The following STAC variants were observed in gnomAD, a reference collection of about 807,000 sequenced individuals.
STAC encodes the protein SH3 and cysteine rich domain.
In STAC, 43 loss-of-function variants were observed where a neutral mutation model predicts 48.8. The observed-to-expected ratio is 0.88, with a 90% CI of 0.69 to 1.14. The LOEUF (loss-of-function observed/expected upper bound fraction) is 1.14. STAC is among the 50% of genes most tolerant of loss of function. The pLI is 0.00. For synonymous variants in STAC, 193 were observed against 179.5 expected (o/e 1.07, Z -0.60); for missense variants, 497 against 504.0 (o/e 0.99, Z 0.13).
At chr3:36,477,866 C>A (rs1697534458) in intron 2 of STAC, among the ~76,000 whole-genome samples, 1 of 152,178 alleles carries the variant, frequency 6.6e-6, no homozygotes, top group Non-Finnish European at 1.5e-5. Context: ...TCTCCGTATC[C>A]AAAGAGCCAC....
In STAC at chr3:36,443,093, C is replaced by A. The variant is rs1018724466; in HGVS notation, c.112-271C>A. Among the ~76,000 whole-genome samples the A allele has an allele frequency of 3.9e-5, 6 of 152,134 alleles. No individual in the cohort carries two copies. The highest frequency in any genetic ancestry group is 1.4e-4 in the African/African-American group (6 of 41,426). The stretch of plus-strand genomic sequence containing the variant: ...ACACTTTTACAGCACACTGGTAGGA[C>A]TTTAAGGAGGCAGGGGAGGAGGAGC... On this transcript the variant is annotated intron_variant, in intron 1 of 10. Coordinates refer to ENST00000273183, the MANE Select transcript of STAC (RefSeq NM_003149.3). This position sits in a 1 kb window ranked among gnomAD's most constrained non-coding sequence, Gnocchi z 4.2.
At chr3:36,516,590 A>G (rs1403363573) in intron 8 of STAC, among the ~76,000 whole-genome samples, 1 of 152,194 alleles carries the variant, frequency 6.6e-6, no homozygotes, top group East Asian at 1.9e-4. Context: ...GGTAATGCAG[A>G]CCATGATAAT....
chr3:36,526,256 C>T (rs923198034), intron 8 of STAC, among the ~76,000 whole-genome samples: 1 of 152,140 alleles, frequency 6.6e-6, no homozygotes, highest in Non-Finnish European at 1.5e-5. Flanking sequence ...TTCACCCCCC[C>T]TCCCCATATT....
chr3:36,449,163 G>A (rs888854998), intron 2 of STAC, among the ~76,000 whole-genome samples: 2 of 152,072 alleles, frequency 1.3e-5, no homozygotes, highest in Non-Finnish European at 2.9e-5. Context: ...GTGGATTAGA[G>A]GAGGGGATAA....
chr3:36,471,489 A>G lies in STAC; in HGVS notation c.389-11503A>G, dbSNP rs973279832. ...CTTCACTCATTTCAGCATTAACCCA[A>G]AAGTCCACAGTTCAAAGTCTCATCT... is the stretch of plus-strand genomic sequence containing the variant. On this transcript the variant is annotated intron_variant, in intron 2 of 10. Coordinates refer to ENST00000273183, the MANE Select transcript of STAC (RefSeq NM_003149.3). Among the ~76,000 whole-genome samples the G allele has an allele frequency of 3.3e-5, 5 of 152,260 alleles. No individual in the cohort carries two copies. The East Asian group carries it at 9.6e-4, about 29-fold the overall frequency.
At position 36,437,569 on chromosome 3, in the gene STAC, T is replaced by C. The variant is rs530020247; in HGVS notation, c.112-5795T>C. On this transcript the variant is annotated intron_variant, in intron 1 of 10. Coordinates refer to ENST00000273183, the MANE Select transcript of STAC (RefSeq NM_003149.3). ...ACATGTTCTCACTCATAGGTGGGAA[T>C]TGAACAATGAGAACACATGGACACA... Among the ~76,000 whole-genome samples the C allele has an allele frequency of 5.2e-3, 719 of 137,162 alleles. 3 individuals carry two copies. The highest frequency in any genetic ancestry group is 0.017 in the African/African-American group (628 of 36,274). The allele number at this position is 137,162 out of a possible 152,430, so 90.0% of individuals were successfully genotyped here. A position where few individuals can be genotyped will look rare whatever the true frequency, so the allele number is the denominator to read the frequency against.
chr3:36,492,200 A>G (rs1185259773), intron 5 of STAC, among the ~76,000 whole-genome samples: 1 of 151,084 alleles, frequency 6.6e-6, no homozygotes, highest in East Asian at 1.9e-4. Flanking sequence ...CAACCAAGTC[A>G]GAACTGGACC....
intron 1 of STAC, among the ~76,000 whole-genome samples, chr3:36,417,871 T>C (rs1428979188): frequency 6.6e-6 from 1 of 152,232 alleles, no homozygotes; most frequent in Admixed American, 6.5e-5. Flanking sequence ...TTCCATATTT[T>C]CTTTGATGTT....
At chr3:36,502,207 C>T (rs1466178244) in intron 6 of STAC, among the ~76,000 whole-genome samples, 1 of 152,072 alleles carries the variant, frequency 6.6e-6, no homozygotes, top group Non-Finnish European at 1.5e-5. Flanking sequence ...AGAAACTATG[C>T]CTACATAATA....
chr3:36,510,361 G>A (rs1260384424), intron 8 of STAC, among the ~76,000 whole-genome samples: 1 of 152,210 alleles, frequency 6.6e-6, no homozygotes, highest in Non-Finnish European at 1.5e-5. Context: ...TTATGGGGCT[G>A]TAAATTAGTT....
chr3:36,505,640 C>T, intron 7 of STAC, 106 bp from the exon 8 acceptor site: 1 of 725,110 alleles, frequency 1.4e-6, no homozygotes, highest in Non-Finnish European at 2.3e-6. Flanking sequence ...ACGATCCATA[C>T]ACTGAAATTA....
chr3:36,534,948 T>C (rs1318820036), intron 10 of STAC, among the ~76,000 whole-genome samples: 1 of 152,182 alleles, frequency 6.6e-6, no homozygotes, highest in Non-Finnish European at 1.5e-5. Context: ...CATAAGCCAC[T>C]GCACCTGGCC....
chr3:36,490,347 A>G (rs900523139), intron 5 of STAC, among the ~76,000 whole-genome samples: 1 of 152,168 alleles, frequency 6.6e-6, no homozygotes, highest in South Asian at 2.1e-4. Context: ...GCTTGCAACC[A>G]TCTCCCCTTA....
chr3:36,403,402 T>G (rs1014333620), intron 1 of STAC, among the ~76,000 whole-genome samples: 17 of 151,326 alleles, frequency 1.1e-4, no homozygotes, highest in Non-Finnish European at 2.2e-4. Flanking sequence ...AAACAGTTTG[T>G]TTTTTTTTAA....
intron 1 of STAC, among the ~76,000 whole-genome samples, chr3:36,426,560 A>C (rs933902189): frequency 6.6e-6 from 1 of 152,206 alleles, no homozygotes; most frequent in Admixed American, 6.5e-5. Context: ...TTGTTGTCTT[A>C]ATCTGTTAGC....
chr3:36,488,160 T>G (rs1443266070), intron 5 of STAC, among the ~76,000 whole-genome samples: 1 of 152,192 alleles, frequency 6.6e-6, no homozygotes, highest in Non-Finnish European at 1.5e-5. Flanking sequence ...CTCAAACTCC[T>G]GGAGTCAAAT....
chr3:36,412,224 AG>A (rs1391168248), intron 1 of STAC, among the ~76,000 whole-genome samples: 1 of 152,142 alleles, frequency 6.6e-6, no homozygotes, highest in Non-Finnish European at 1.5e-5. Flanking sequence ...AAATGGCAGG[AG>A]GGCTGCTGTA....
In STAC at chr3:36,548,007, A is replaced by G. The variant is rs1031725698; in HGVS notation, c.*1718A>G. 1.3e-5 allele frequency: 2 copies of G among 149,748 alleles called. No individual in the cohort carries two copies. Among genetic ancestry groups the G allele is most frequent in the Non-Finnish European group, 3.0e-5 (2 of 66,336 alleles). The allele number at this position is 149,748 out of a possible 1,614,324, so 9.3% of individuals were successfully genotyped here. On this transcript the variant is annotated 3_prime_UTR_variant, in exon 11 of 11. Transcript: ENST00000273183. ...CAGTGGCTGGAAAGGAGCATCAGAAACATGTGTCCTGATCTCTTCTTTCTG... is the reference window on the plus strand; with the variant it reads ...CAGTGGCTGGAAAGGAGCATCAGAAGCATGTGTCCTGATCTCTTCTTTCTG...
At chr3:36,542,767 C>T (rs1699358551) in intron 10 of STAC, among the ~76,000 whole-genome samples, 1 of 152,156 alleles carries the variant, frequency 6.6e-6, no homozygotes, top group Admixed American at 6.5e-5. Flanking sequence ...CAGCCACAGC[C>T]CTTGCACTCA....
Sources: allele counts gnomAD v4.1 joint callset (sites outside exome capture counted in the v4.1 genomes callset), GRCh38; gene constraint gnomAD v4.1.1; non-coding constraint Gnocchi (gnomAD v3.1); transcripts MANE v1.5; gene names NCBI Gene and HGNC (gene_info 2026-07-23, HGNC 2026-07-21).